GIT2: variants seen among roughly 807,000 people sequenced by gnomAD.
GIT2 encodes ARF GTPase-activating protein GIT2.
A neutral mutation model predicts 100.3 loss-of-function variants in GIT2; 32 were observed. That is an observed-to-expected ratio of 0.32 (90% CI 0.24 to 0.43). The LOEUF is 0.43. Ranked by LOEUF, GIT2 falls within the 20% of genes least tolerant of loss-of-function variation. The pLI, the probability that GIT2 is intolerant of heterozygous loss-of-function variation, is 1.00. For synonymous variants in GIT2, 353 were observed against 364.1 expected (o/e 0.97, Z 0.35); for missense variants, 737 against 975.1 (o/e 0.76, Z 3.25).
At position 109,932,901 on chromosome 12, in the gene GIT2, C is replaced by T; in HGVS notation, c.*77G>A. 1 of 801,454 alleles carries T rather than the reference C, an allele frequency of 1.2e-6. No homozygotes were observed. Among genetic ancestry groups the T allele is most frequent in the Admixed American group, 2.0e-5 (1 of 50,488 alleles). The allele number at this position is 801,454 out of a possible 1,614,324, so 49.6% of individuals were successfully genotyped here. ...ATTAAATGTTTCTTTTTGTAGAAAT[C>T]TGAAGAGTTCTGCGTCTGAATTTGA... On this transcript the variant is annotated 3_prime_UTR_variant, in exon 20 of 20. Coordinates refer to ENST00000355312, the MANE Select transcript of GIT2 (RefSeq NM_057169.5).
rs574158841 is a variant in GIT2, at chr12:109,942,015, A to G, written c.1732-2768T>C. ...AATTTTGTACTTTTTTGTGGAGACA[A>G]GGTCTCACTATGTTGCCCAGCCTGG... On this transcript the variant is annotated intron_variant, in intron 16 of 19. Coordinates refer to ENST00000355312, the MANE Select transcript of GIT2 (RefSeq NM_057169.5). Among the ~76,000 whole-genome samples the G allele has an allele frequency of 7.9e-5, 12 of 151,914 alleles. No individual in the cohort carries two copies. In the East Asian group the frequency reaches 1.8e-3, roughly 22 times the overall value.
chr12:109,952,491 C>G (rs760737067), intron 13 of GIT2: 3 of 518,886 alleles, frequency 5.8e-6, no homozygotes, highest in South Asian at 1.4e-5. Context: ...GAGGCCCACT[C>G]TCTTCCGTCG....
chr12:109,930,086 G>C lies in GIT2; in HGVS notation c.*2892C>G, dbSNP rs531544525. The C allele has an allele frequency of 4.1e-4, 63 of 152,752 alleles. No homozygotes were observed. Among genetic ancestry groups the C allele is most frequent in the African/African-American group, 1.3e-3 (56 of 41,570 alleles). The allele number at this position is 152,752 out of a possible 1,614,324, so 9.5% of individuals were successfully genotyped here. A position where few individuals can be genotyped will look rare whatever the true frequency, so the allele number is the denominator to read the frequency against. On this transcript the variant is annotated 3_prime_UTR_variant, in exon 20 of 20. Transcript: ENST00000355312. ...TTGAGGACAAAAACAGGCGAGTTTT[G>C]CTCTTGGTTCTGCAACTGAATCACT...
intron 1 of GIT2, among the ~76,000 whole-genome samples, chr12:109,993,973 G>A (rs1294433573): frequency 6.8e-6 from 1 of 147,822 alleles, no homozygotes; most frequent in Non-Finnish European, 1.5e-5. Context: ...CGCTATTACT[G>A]TATCATCCTA....
chr12:109,952,709 C>T, intron 13 of GIT2: 1 of 490,596 alleles, frequency 2.0e-6, no homozygotes, highest in Non-Finnish European at 4.0e-6. Flanking sequence ...TCTCTCTCTG[C>T]TCACTCCCTC....
intron 14 of GIT2, chr12:109,950,875 A>G (rs561860359): frequency 3.1e-5 from 9 of 291,192 alleles, no homozygotes; most frequent in African/African-American, 1.7e-4. Flanking sequence ...AATCACATCC[A>G]TGGAGCCCCA....
intron 16 of GIT2, chr12:109,940,633 A>T (rs1874385950): frequency 6.6e-6 from 1 of 152,168 alleles, no homozygotes; most frequent in South Asian, 2.1e-4. Context: ...TAATCCCAGC[A>T]TGTTGGGAGG....
intron 12 of GIT2, chr12:109,953,446 C>G: frequency 1.9e-6 from 1 of 529,938 alleles, no homozygotes; most frequent in Non-Finnish European, 3.4e-6. Flanking sequence ...CAATGAGACT[C>G]CATCCCTACA....
chr12:109,983,286 T>A lies in GIT2; in HGVS notation c.623+87A>T, dbSNP rs1886683981. 4.3e-6 allele frequency: 5 copies of A among 1,175,220 alleles called. No individual in the cohort carries two copies. The Admixed American group carries it at 6.3e-5, about 15-fold the overall frequency. The allele number at this position is 1,175,220 out of a possible 1,614,324, so 72.8% of individuals were successfully genotyped here. A position where few individuals can be genotyped will look rare whatever the true frequency, so the allele number is the denominator to read the frequency against. On this transcript the variant is annotated intron_variant, in intron 6 of 19. Transcript: ENST00000355312. ...CGTACATCTTTAAAGGGGTTCAATA[T>A]CAACATATACAACTTAGCTACTTAA...
intron 17 of GIT2, chr12:109,938,849 GTGGGCCAACTCCT>G (rs1873789232): frequency 4.0e-6 from 2 of 494,380 alleles, no homozygotes; most frequent in Non-Finnish European, 7.1e-6. Context: ...CCATCCTCAG[GTGGGCCAACTCCT>G]TGGGTACAAA....
intron 1 of GIT2, among the ~76,000 whole-genome samples, chr12:109,994,412 G>C (rs965007980): frequency 1.3e-5 from 2 of 152,138 alleles, no homozygotes; most frequent in Admixed American, 6.6e-5. Context: ...CATTTTAGGG[G>C]AGAAGGCCTT....
chr12:109,943,943 T>C (rs1318647023), intron 16 of GIT2, among the ~76,000 whole-genome samples: 1 of 152,210 alleles, frequency 6.6e-6, no homozygotes, highest in African/African-American at 2.4e-5. Context: ...TCCACCCGCC[T>C]AGGCCTCCCA....
chr12:109,965,444 T>A, intron 9 of GIT2, 82 bp downstream of exon 9: 1 of 774,810 alleles, frequency 1.3e-6, no homozygotes, highest in South Asian at 1.6e-5. Context: ...TCAGACGCAA[T>A]AGGTAACCTG....
intron 16 of GIT2, chr12:109,939,690 TAAATAAATAAA>T (rs1388606936): frequency 4.1e-5 from 4 of 97,280 alleles, no homozygotes; most frequent in African/African-American, 3.4e-4. Context: ...ATAAAATAAA[TAAATAAATAAA>T]TAAATAAATA....
intron 12 of GIT2, among the ~76,000 whole-genome samples, chr12:109,955,839 G>A (rs1879276393): frequency 6.6e-6 from 1 of 152,008 alleles, no homozygotes; most frequent in African/African-American, 2.4e-5. Context: ...TCAGCCTCCT[G>A]AGTATGTAGG....
In GIT2 at chr12:109,947,269, G is replaced by A. The variant is rs767458730; in HGVS notation, c.1628C>T (p.Pro543Leu). 13 of 1,613,648 alleles carry A rather than the reference G, an allele frequency of 8.1e-6. No individual in the cohort carries two copies. The highest frequency in any genetic ancestry group is 1.1e-5 in the Non-Finnish European group (13 of 1,179,652). ...RPEESRMRLQPFPAHIGRSAL... is the reference protein window; with the variant it reads ...RPEESRMRLQLFPAHIGRSAL... The stretch of plus-strand genomic sequence containing the variant: ...GGTGTTACTTACGTGCGCGGGGAAG[G>A]GCTGGAGTCTCATCCTGCTCTCTTC... Residue 543 changes from proline to leucine, a missense_variant, in exon 15 of 20, where the codon CCC becomes CTC. Transcript: ENST00000355312. The surrounding 1 kb of genome is among the most constrained non-coding windows in gnomAD (Gnocchi z 4.3).
intron 16 of GIT2, among the ~76,000 whole-genome samples, chr12:109,941,681 C>T (rs1336193630): frequency 5.3e-5 from 8 of 151,854 alleles, no homozygotes; most frequent in South Asian, 2.1e-4. Flanking sequence ...ACCACCATAC[C>T]GAGCTAATTT....
chr12:109,975,357 C>T (rs1884801567), intron 7 of GIT2, among the ~76,000 whole-genome samples: 1 of 152,016 alleles, frequency 6.6e-6, no homozygotes, highest in African/African-American at 2.4e-5. Context: ...GGGCATGCAC[C>T]ACCATGCCTG....
intron 12 of GIT2, chr12:109,953,484 G>A: frequency 2.6e-6 from 1 of 387,130 alleles, no homozygotes. Flanking sequence ...TCCAGGCCTG[G>A]TGTCACAGGC....
Sources: allele counts gnomAD v4.1 joint callset (sites outside exome capture counted in the v4.1 genomes callset), GRCh38; gene constraint gnomAD v4.1.1; non-coding constraint Gnocchi (gnomAD v3.1); transcripts MANE v1.5; gene names NCBI Gene and HGNC (gene_info 2026-07-23, HGNC 2026-07-21).